SLC6A16: variants seen among roughly 807,000 people sequenced by gnomAD.
The protein encoded by SLC6A16 is orphan sodium- and chloride-dependent neurotransmitter transporter NTT5.
SLC6A16 carries 54 observed loss-of-function variants against 65.4 expected under a neutral mutation model. That is an observed-to-expected ratio of 0.83 (90% CI 0.66 to 1.04). SLC6A16 has a LOEUF of 1.04. Among genes scored for constraint, SLC6A16 ranks in the 50% least tolerant of loss-of-function variants. The pLI, the probability that SLC6A16 is intolerant of heterozygous loss-of-function variation, is 0.00. For missense variants in SLC6A16, 816 were observed against 914.0 expected (o/e 0.89, Z 1.38); for synonymous variants, 330 against 346.5 (o/e 0.95, Z 0.53).
At position 49,321,924 on chromosome 19, in the gene SLC6A16, C is replaced by G. The variant is rs1027929512; in HGVS notation, c.-65+3124G>C. Among the ~76,000 whole-genome samples, 30 of 107,038 alleles carry G rather than the reference C, an allele frequency of 2.8e-4. 1 individual carries two copies. Among genetic ancestry groups the G allele is most frequent in the Admixed American group, 1.5e-3 (15 of 10,196 alleles). 70.2% of individuals were successfully genotyped at this position (107,038 alleles called of 152,430 possible). A position where few individuals can be genotyped will look rare whatever the true frequency, so the allele number is the denominator to read the frequency against. On this transcript the variant is annotated intron_variant, in intron 1 of 11. Coordinates refer to ENST00000335875, the MANE Select transcript of SLC6A16 (RefSeq NM_014037.3). ...GTCACAAAGTGACACCATGTCTCAGCAAAAAAAAAAAAAGGAAAATATCCC... is the reference window on the plus strand; with the variant it reads ...GTCACAAAGTGACACCATGTCTCAGGAAAAAAAAAAAAAGGAAAATATCCC...
Position 49,290,223 on chromosome 19 carries a change from G to A in SLC6A16, c.2111C>T (p.Pro704Leu), listed in dbSNP as rs1970047868. The A allele has an allele frequency of 1.2e-6, 2 of 1,614,160 alleles. No individual in the cohort carries two copies. The highest frequency in any genetic ancestry group is 1.3e-5 in the African/African-American group (1 of 75,028). The change falls in exon 12 of 12, where the codon CCC (proline) becomes CTC (leucine). Residue 704 changes from proline to leucine, a missense_variant. Transcript: ENST00000335875. Reference sequence around the variant, plus strand: ...ACTGGGTGTTAGCTGGTGACTTAGGGGTAGGGATGTGGAGGCTGTCATAGG... The same window carrying A: ...ACTGGGTGTTAGCTGGTGACTTAGGAGTAGGGATGTGGAGGCTGTCATAGG... ...DGPMTASTSL[P>L]LSHQLTPSKE...
chr19:49,315,544 G>C (rs1240984894), intron 1 of SLC6A16, among the ~76,000 whole-genome samples: 2 of 152,174 alleles, frequency 1.3e-5, no homozygotes, highest in Non-Finnish European at 2.9e-5. Flanking sequence ...TGTAATCCCA[G>C]CCCTTTGGGA....
chr19:49,299,997 C>CAA lies in SLC6A16; in HGVS notation c.1230-5446_1230-5445dup, dbSNP rs889761825. The stretch of plus-strand genomic sequence containing the variant: ...TCAGCGACAGAGTGAGACTCTGTCT[C>CAA]AAAAAAAAAAAAAAAAAAAAAAGAG... On this transcript the variant is annotated intron_variant, in intron 7 of 11. Transcript: ENST00000335875. Among the ~76,000 whole-genome samples, 367 of 45,860 alleles carry CAA rather than the reference C, an allele frequency of 8.0e-3. 1 individual carries two copies. The highest frequency in any genetic ancestry group is 0.013 in the Middle Eastern group (1 of 78). The allele number at this position is 45,860 out of a possible 152,430, so 30.1% of individuals were successfully genotyped here.
the SLC6A16 span, chr19:49,332,308 G>A: frequency 3.7e-5 from 17 of 456,454 alleles, no homozygotes; most frequent in South Asian, 2.6e-4. Context: ...TGTAATCCCA[G>A]AACTTTGGGA....
At chr19:49,337,003 C>A in the SLC6A16 span, 1 of 1,613,728 alleles carries the variant, frequency 6.2e-7, no homozygotes. Context: ...GTGTGGGGGC[C>A]CTCAAGGAGC....
chr19:49,297,583 T>C (rs1600614295), intron 7 of SLC6A16, among the ~76,000 whole-genome samples: 1 of 152,144 alleles, frequency 6.6e-6, no homozygotes, highest in Non-Finnish European at 1.5e-5. Context: ...ATCCTTCTCT[T>C]AGGTGTTTAT....
At chr19:49,299,105 G>C (rs1465989736) in intron 7 of SLC6A16, among the ~76,000 whole-genome samples, 2 of 152,088 alleles carry the variant, frequency 1.3e-5, no homozygotes, top group Non-Finnish European at 2.9e-5. Flanking sequence ...AATTAGCCGG[G>C]CATGGTGGTG....
chr19:49,310,446 C>A lies in SLC6A16; in HGVS notation c.480G>T (p.Glu160Asp). The A allele has an allele frequency of 6.2e-7, 1 of 1,614,140 alleles. No homozygotes were observed. Among genetic ancestry groups the A allele is most frequent in the South Asian group, 1.1e-5 (1 of 91,080 alleles). Residue 160 changes from glutamate to aspartate, a missense_variant, in exon 3 of 12, where the codon GAG becomes GAT. By Grantham distance (45) the Glu-to-Asp change is conservative (BLOSUM62 2). Coordinates refer to ENST00000335875, the MANE Select transcript of SLC6A16 (RefSeq NM_014037.3). ...GACGCATGCTCTGACCAGCTGCCAT[C>A]TCCAGGAAGAGAAGAGGAACCCCGA... ...FLVGVPLLFL[E>D]MAAGQSMRQG... is the part of the protein sequence containing the mutation.
the SLC6A16 span, chr19:49,335,652 C>T: frequency 5.6e-6 from 9 of 1,608,874 alleles, no homozygotes; most frequent in Admixed American, 3.3e-5. This position sits in a 1 kb window ranked among gnomAD's most constrained non-coding sequence, Gnocchi z 4.6. Flanking sequence ...CAGCCCCTGC[C>T]GCTAACCCAG....
intron 7 of SLC6A16, among the ~76,000 whole-genome samples, chr19:49,306,388 C>T: frequency 6.6e-6 from 1 of 151,342 alleles, no homozygotes; most frequent in East Asian, 1.9e-4. Context: ...AAAGAAAGCA[C>T]AAAAGTAAGC....
intron 9 of SLC6A16, 140 bp from the exon 10 acceptor site, chr19:49,293,522 T>G: frequency 2.5e-6 from 2 of 787,304 alleles, no homozygotes; most frequent in Middle Eastern, 7.4e-4. Flanking sequence ...CCAAGCATTT[T>G]GGGGAGCCTA....
chr19:49,325,177 G>A lies in SLC6A16; in HGVS notation c.-194C>T, dbSNP rs996311096. 4 of 985,358 alleles carry A rather than the reference G, an allele frequency of 4.1e-6. No homozygotes were observed. The highest frequency in any genetic ancestry group is 4.7e-5 in the South Asian group (1 of 21,296). 61.0% of individuals were successfully genotyped at this position (985,358 alleles called of 1,614,324 possible). A position where few individuals can be genotyped will look rare whatever the true frequency, so the allele number is the denominator to read the frequency against. ...CAGGCGTCGACAGATCGGTTTGGGC[G>A]ACACCCCTCGATCTGCCTGGCGCGC... is the stretch of plus-strand genomic sequence containing the variant. On this transcript the variant is annotated 5_prime_UTR_variant, in exon 1 of 12. Transcript: ENST00000335875.
At position 49,321,347 on chromosome 19, in the gene SLC6A16, TAG is replaced by T. The variant is rs537482639; in HGVS notation, c.-65+3699_-65+3700del. ...AAAAAAAAAAAAAAACTCAACAATCTAGGAGTTAAAGGAAAATACGGCTGGGC... is the reference window on the plus strand; with the variant it reads ...AAAAAAAAAAAAAAACTCAACAATCTGAGTTAAAGGAAAATACGGCTGGGC... On this transcript the variant is annotated intron_variant, in intron 1 of 11. Transcript: ENST00000335875. 6.1e-5 allele frequency among the ~76,000 whole-genome samples: 9 copies of T among 147,948 alleles called. No individual in the cohort carries two copies. In the South Asian group the frequency reaches 1.7e-3, roughly 28 times the overall value.
rs376029596 is a variant in SLC6A16 at position 49,293,969 on chromosome 19, A to C, written c.1476T>G (p.Pro492=). Residue 492 remains proline (P), a synonymous_variant, in exon 9 of 12, where the codon CCT becomes CCG. Coordinates refer to ENST00000335875, the MANE Select transcript of SLC6A16 (RefSeq NM_014037.3). ...AGATAAAAGACCAGAAGACAGACGG[A>C]GGAAGGAAGGACATGGCTTCAACAA... is the stretch of plus-strand genomic sequence containing the variant. ...LSFVEAMSFL[P]PSVFWSFIFF... 29 of 1,613,686 alleles carry C rather than the reference A, an allele frequency of 1.8e-5. No homozygotes were observed. The African/African-American group carries it at 3.2e-4, about 18-fold the overall frequency.
At chr19:49,291,120 G>C (rs779811702) in intron 10 of SLC6A16, among the ~76,000 whole-genome samples, 1 of 152,134 alleles carries the variant, frequency 6.6e-6, no homozygotes, top group Non-Finnish European at 1.5e-5. Context: ...ATAAAATAAA[G>C]TGGCATTTGG....
At chr19:49,320,705 A>G (rs570178859) in intron 1 of SLC6A16, among the ~76,000 whole-genome samples, 9 of 152,334 alleles carry the variant, frequency 5.9e-5, no homozygotes, top group Non-Finnish European at 1.0e-4. Flanking sequence ...ACAGAAATAG[A>G]AGGATTATAA....
the SLC6A16 span, chr19:49,339,570 G>A: frequency 3.4e-4 from 495 of 1,456,844 alleles, 8 homozygotes; most frequent in South Asian, 4.7e-3. This position sits in a 1 kb window ranked among gnomAD's most constrained non-coding sequence, Gnocchi z 4.5. Context: ...GGAGGGTGGG[G>A]GCGGCCCAGC....
At chr19:49,338,258 T>TCCGCCC in the SLC6A16 span, 16 of 1,268,212 alleles carry the variant, frequency 1.3e-5, no homozygotes, top group Admixed American at 6.2e-5. This position sits in a 1 kb window ranked among gnomAD's most constrained non-coding sequence, Gnocchi z 5.0. Flanking sequence ...CTCGAGAGAC[T>TCCGCCC]CCGCCCCCGC....
At chr19:49,295,726 C>A (rs1970173194) in intron 7 of SLC6A16, among the ~76,000 whole-genome samples, 1 of 152,178 alleles carries the variant, frequency 6.6e-6, no homozygotes, top group Non-Finnish European at 1.5e-5. Flanking sequence ...ACTGGACCTG[C>A]AGTTTCCAAT....
Sources: allele counts gnomAD v4.1 joint callset (sites outside exome capture counted in the v4.1 genomes callset), GRCh38; gene constraint gnomAD v4.1.1; non-coding constraint Gnocchi (gnomAD v3.1); transcripts MANE v1.5; gene names NCBI Gene and HGNC (gene_info 2026-07-23, HGNC 2026-07-21).